The following MYO7B variants were observed in gnomAD, a reference collection of about 807,000 sequenced individuals.
The protein encoded by MYO7B is unconventional myosin-VIIb.
MYO7B carries 212 observed loss-of-function variants against 259.7 expected under a neutral mutation model. The observed-to-expected ratio is 0.82, with a 90% CI of 0.73 to 0.91. The LOEUF is 0.91. Among genes scored for constraint, MYO7B ranks in the 40% least tolerant of loss-of-function variants. MYO7B has a pLI of 0.00. For missense variants in MYO7B, 2,732 were observed against 2,813.5 expected (o/e 0.97, Z 0.66); for synonymous variants, 1,197 against 1,166.4 (o/e 1.03, Z -0.54).
chr2:127,630,917 C>A lies in MYO7B; in HGVS notation c.4937+9C>A, dbSNP rs567240186. The A allele has an allele frequency of 1.3e-6, 2 of 1,558,098 alleles. No homozygotes were observed. Among genetic ancestry groups the A allele is most frequent in the African/African-American group, 1.4e-5 (1 of 73,426 alleles). ...TCCTATGAGTTCTTCAGGTGCCCCC[C>A]AGCCCCGCTCCGCCTCATTGCACCC... On this transcript the variant is annotated intron_variant, in intron 36 of 47. Transcript: ENST00000409816.
At chr2:127,606,634 G>A (rs1680163383) in intron 20 of MYO7B, among the ~76,000 whole-genome samples, 2 of 152,244 alleles carry the variant, frequency 1.3e-5, no homozygotes, top group Non-Finnish European at 2.9e-5. Context: ...CCCAGAGTTG[G>A]GGTTTAGATG....
intron 10 of MYO7B, 64 bp from the exon 11 acceptor site, chr2:127,581,827 A>C: frequency 1.2e-6 from 2 of 1,602,864 alleles, no homozygotes; most frequent in Non-Finnish European, 1.7e-6. Flanking sequence ...TGGCAGAAGC[A>C]GGTCAGAGTG....
chr2:127,578,103 C>T (rs1460248511), intron 8 of MYO7B, 30 bp from the exon 9 acceptor site: 1 of 1,611,718 alleles, frequency 6.2e-7, no homozygotes, highest in Non-Finnish European at 8.5e-7. Context: ...CAGGGGATGG[C>T]CCCATTCACT....
At chr2:127,578,810 G>A (rs779085474) in intron 9 of MYO7B, among the ~76,000 whole-genome samples, 2 of 151,994 alleles carry the variant, frequency 1.3e-5, no homozygotes, top group South Asian at 2.1e-4. Context: ...AACAAGAACC[G>A]GCAGAAATAA....
intron 14 of MYO7B, among the ~76,000 whole-genome samples, chr2:127,587,686 A>C (rs1573657833): frequency 6.6e-6 from 1 of 150,746 alleles, no homozygotes; most frequent in East Asian, 2.0e-4. Flanking sequence ...CTCCTGCCTC[A>C]GGCTCCTGAG....
Position 127,636,722 on chromosome 2 carries a change from TCTCCTGTCCC to T in MYO7B, c.6208-69_6208-60del. The T allele has an allele frequency of 6.2e-7, 1 of 1,610,742 alleles. No homozygotes were observed. Among genetic ancestry groups the T allele is most frequent in the Non-Finnish European group, 8.5e-7 (1 of 1,178,226 alleles). The stretch of plus-strand genomic sequence containing the variant: ...TCATCTCTGCGGTGTGTCCTGCCTC[TCTCCTGTCCC>T]CTAACACACACAGAGCCCGTGCTCT... On this transcript the variant is annotated intron_variant, in intron 46 of 47. Transcript: ENST00000409816. This position sits in a 1 kb window ranked among gnomAD's most constrained non-coding sequence, Gnocchi z 4.5.
intron 15 of MYO7B, among the ~76,000 whole-genome samples, 160 bp downstream of exon 15, chr2:127,588,715 G>T (rs1282990558): frequency 1.3e-5 from 2 of 151,990 alleles, no homozygotes; most frequent in East Asian, 3.9e-4. Flanking sequence ...ATGGATGGGT[G>T]GGTGGATAGA....
In MYO7B at chr2:127,585,823, A is replaced by G. The variant is rs926352673; in HGVS notation, c.1690+910A>G. Among the ~76,000 whole-genome samples the G allele has an allele frequency of 2.0e-5, 3 of 152,178 alleles. No homozygotes were observed. Among genetic ancestry groups the G allele is most frequent in the African/African-American group, 7.2e-5 (3 of 41,426 alleles). ...TTTGCATCTGCATCCCCCGATGGCT[A>G]ATGATGTTGATCGCCTTTTCATATG... On this transcript the variant is annotated intron_variant, in intron 14 of 47. Transcript: ENST00000409816. This position sits in a 1 kb window ranked among gnomAD's most constrained non-coding sequence, Gnocchi z 4.3.
rs1680476404 is a variant in MYO7B, at chr2:127,613,855, A to G, written c.3398+1252A>G. On this transcript the variant is annotated intron_variant, in intron 26 of 47. Coordinates refer to ENST00000409816, the MANE Select transcript of MYO7B (RefSeq NM_001393586.1). This position sits in a 1 kb window ranked among gnomAD's most constrained non-coding sequence, Gnocchi z 4.3. ...TAGAGTACCTGGAGTCTGCCCCACC[A>G]TGTGTGTCAGGGGGCAACCAGAGAT... 6.6e-6 allele frequency among the ~76,000 whole-genome samples: 1 copy of G among 152,208 alleles called. No individual in the cohort carries two copies. The highest frequency in any genetic ancestry group is 2.4e-5 in the African/African-American group (1 of 41,450).
chr2:127,620,776 G>T (rs1680806508), intron 27 of MYO7B, among the ~76,000 whole-genome samples: 1 of 152,236 alleles, frequency 6.6e-6, no homozygotes, highest in Admixed American at 6.5e-5. Flanking sequence ...TGAAAAGACA[G>T]GTGTCCAGGA....
Position 127,584,214 on chromosome 2 carries a change from C to A in MYO7B, c.1436C>A (p.Ser479Ter), listed in dbSNP as rs768580951. The A allele has an allele frequency of 1.2e-6, 2 of 1,613,960 alleles. No homozygotes were observed. The highest frequency in any genetic ancestry group is 1.7e-6 in the Non-Finnish European group (2 of 1,179,870). Residue 479 changes from serine to a stop codon, truncating the protein, a stop_gained, in exon 13 of 48, where the codon TCG becomes TAG. Transcript: ENST00000409816. LOFTEE classifies it high-confidence loss of function. This position sits in a 1 kb window ranked among gnomAD's most constrained non-coding sequence, Gnocchi z 5.8. ...VFTMEQEEYR[S>*]ENISWDYIHY... The stretch of plus-strand genomic sequence containing the variant: ...ACCATGGAGCAAGAGGAGTACCGCT[C>A]GGAGAACATCTCCTGGGACTATATC...
At chr2:127,623,470 AC>A in intron 29 of MYO7B, 95 bp downstream of exon 29, 1 of 1,311,474 alleles carries the variant, frequency 7.6e-7, no homozygotes, top group East Asian at 2.6e-5. Context: ...CAGCCCGGCC[AC>A]CACCTACCCT....
Position 127,567,364 on chromosome 2 carries a change from CA to C in MYO7B, c.470+538del, listed in dbSNP as rs1451902799. 5.3e-4 allele frequency among the ~76,000 whole-genome samples: 81 copies of C among 152,174 alleles called. 1 individual carries two copies. The highest frequency in any genetic ancestry group is 2.2e-4 in the Non-Finnish European group (15 of 68,022). On this transcript the variant is annotated intron_variant, in intron 5 of 47. Transcript: ENST00000409816. ...GCCTCAGGTGAGGACAGAGGAGCAG[CA>C]GCTCCAGGGGACAGCTCTCAGTTCA... is the stretch of plus-strand genomic sequence containing the variant.
rs529361974 is a variant in MYO7B at position 127,584,617 on chromosome 2, C to A, written c.1555-161C>A. Among the ~76,000 whole-genome samples, 2 of 152,290 alleles carry A rather than the reference C, an allele frequency of 1.3e-5. No homozygotes were observed. Among genetic ancestry groups the A allele is most frequent in the African/African-American group, 4.8e-5 (2 of 41,552 alleles). On this transcript the variant is annotated intron_variant, in intron 13 of 47. Coordinates refer to ENST00000409816, the MANE Select transcript of MYO7B (RefSeq NM_001393586.1). This position sits in a 1 kb window ranked among gnomAD's most constrained non-coding sequence, Gnocchi z 5.8. Reference sequence around the variant, plus strand: ...CTCCCAGCTCAGCCCTCACTCCCTGCAACAAGTCACTGACCCCTGGGCATT... The same window carrying A: ...CTCCCAGCTCAGCCCTCACTCCCTGAAACAAGTCACTGACCCCTGGGCATT...
chr2:127,605,875 G>C lies in MYO7B; in HGVS notation c.2371G>C (p.Val791Leu). ...GTTCCTGAGGCAGAGGCGGGCAGCT[G>C]TGACCCTGCAGGCCTGGTGGAGAGG... ...KEFLRQRRAAVTLQAWWRGYC... is the reference protein window; with the variant it reads ...KEFLRQRRAALTLQAWWRGYC... Residue 791 changes from valine (V) to leucine (L), a missense_variant, in exon 20 of 48, where the codon GTG (valine) becomes CTG (leucine). By Grantham distance (32) the Val-to-Leu change is conservative. Coordinates refer to ENST00000409816, the MANE Select transcript of MYO7B (RefSeq NM_001393586.1). 1 of 1,613,798 alleles carries C rather than the reference G, an allele frequency of 6.2e-7. No homozygotes were observed. The highest frequency in any genetic ancestry group is 2.2e-5 in the East Asian group (1 of 44,882).
intron 6 of MYO7B, among the ~76,000 whole-genome samples, chr2:127,572,872 C>A (rs1039218761): frequency 5.3e-5 from 8 of 151,902 alleles, no homozygotes; most frequent in Non-Finnish European, 1.5e-5. Context: ...TCAAACTTGG[C>A]TATTCTAGGT....
chr2:127,542,076 C>T (rs1337806895), intron 1 of MYO7B, among the ~76,000 whole-genome samples: 1 of 152,250 alleles, frequency 6.6e-6, no homozygotes, highest in African/African-American at 2.4e-5. Context: ...TCATGGTGAT[C>T]CAGGAGCACT....
chr2:127,630,856 C>A lies in MYO7B; in HGVS notation c.4885C>A (p.Pro1629Thr). Reference protein sequence around the residue: ...GQFTEPRPEEPPKEKLHTLEE... With the variant: ...GQFTEPRPEETPKEKLHTLEE... ...GTTCACAGAGCCACGTCCTGAGGAG[C>A]CACCCAAGGAAAAGCTGCACACCCT... The change falls in exon 36 of 48, where the codon CCA (proline) becomes ACA (threonine). Residue 1629 changes from proline (P) to threonine (T), a missense_variant. Transcript: ENST00000409816. 6.2e-7 allele frequency: 1 copy of A among 1,611,456 alleles called. No individual in the cohort carries two copies. Among genetic ancestry groups the A allele is most frequent in the Non-Finnish European group, 8.5e-7 (1 of 1,178,986 alleles).
chr2:127,635,084 G>A, intron 42 of MYO7B, 36 bp from the exon 43 acceptor site: 1 of 1,556,820 alleles, frequency 6.4e-7, no homozygotes, highest in Non-Finnish European at 8.8e-7. Context: ...GTACCTGCTG[G>A]GACAGGCTTG....
Sources: gnomAD v4.1 joint callset for allele counts (sites outside exome capture counted in the v4.1 genomes callset) on GRCh38, gnomAD v4.1.1 for gene constraint, Gnocchi (gnomAD v3.1) non-coding constraint, MANE v1.5 for transcripts, NCBI Gene and HGNC (gene_info 2026-07-23, HGNC 2026-07-21) for gene names.